The following CNTN4 variants were observed in gnomAD, a reference collection of about 807,000 sequenced individuals.
CNTN4 encodes contactin-4.
In CNTN4, 77 loss-of-function variants were observed where a neutral mutation model predicts 122.5. That is an observed-to-expected ratio of 0.63 (90% CI 0.52 to 0.76). The LOEUF (loss-of-function observed/expected upper bound fraction) is 0.76, where lower values mean the gene tolerates loss of function less well. Ranked by LOEUF, CNTN4 falls within the 30% of genes least tolerant of loss-of-function variation. The probability of loss-of-function intolerance (pLI) is 0.00; values close to 1 mark genes in which losing one functional copy is unlikely to be tolerated. For synonymous variants in CNTN4, 512 were observed against 447.0 expected (o/e 1.15, Z -1.83); for missense variants, 1,256 against 1,259.1 (o/e 1.00, Z 0.04).
intron 4 of CNTN4, among the ~76,000 whole-genome samples, chr3:2,633,991 T>C (rs2150059645): frequency 1.3e-5 from 2 of 152,308 alleles, no homozygotes; most frequent in Middle Eastern, 6.8e-3. Flanking sequence ...ACAAATGATA[T>C]CCTATCCCTT....
intron 3 of CNTN4, among the ~76,000 whole-genome samples, chr3:2,361,800 T>C (rs891836808): frequency 5.9e-5 from 9 of 152,236 alleles, no homozygotes; most frequent in South Asian, 4.1e-4. Flanking sequence ...AGTGAGCTTA[T>C]TGATAGGCCC....
intron 3 of CNTN4, among the ~76,000 whole-genome samples, chr3:2,454,705 C>T (rs541602415): frequency 2.0e-4 from 28 of 137,728 alleles, no homozygotes; most frequent in Non-Finnish European, 2.4e-4. Flanking sequence ...GTTCCAAAGT[C>T]TACGTGCTTG....
chr3:2,909,909 A>G (rs1462174865), intron 12 of CNTN4, among the ~76,000 whole-genome samples: 1 of 152,200 alleles, frequency 6.6e-6, no homozygotes, highest in African/African-American at 2.4e-5. Context: ...ATCCTAAAAT[A>G]GGAAATCTGT....
chr3:2,767,914 A>T (rs2090934540), intron 6 of CNTN4, among the ~76,000 whole-genome samples: 2 of 152,216 alleles, frequency 1.3e-5, no homozygotes, highest in African/African-American at 4.8e-5. Flanking sequence ...TAGAAGGCAG[A>T]ATTTAAAATA....
intron 2 of CNTN4, among the ~76,000 whole-genome samples, chr3:2,144,804 C>T (rs1356596234): frequency 6.6e-6 from 1 of 152,178 alleles, no homozygotes; most frequent in Non-Finnish European, 1.5e-5. Flanking sequence ...CATATCAGCT[C>T]TAAGCTTCTT....
chr3:2,362,919 C>T (rs2045217905), intron 3 of CNTN4, among the ~76,000 whole-genome samples: 1 of 152,188 alleles, frequency 6.6e-6, no homozygotes, highest in South Asian at 2.1e-4. Context: ...ATAAGATTCT[C>T]ACATAAAGCC....
chr3:2,971,031 C>T (rs1482059755), intron 13 of CNTN4, among the ~76,000 whole-genome samples: 1 of 152,228 alleles, frequency 6.6e-6, no homozygotes, highest in Non-Finnish European at 1.5e-5. Flanking sequence ...AGGTGATCTG[C>T]CCATCTCGGC....
chr3:2,935,483 G>A (rs1202434729), intron 13 of CNTN4, among the ~76,000 whole-genome samples: 1 of 152,056 alleles, frequency 6.6e-6, no homozygotes, highest in Non-Finnish European at 1.5e-5. Context: ...GATTTCATTG[G>A]AACCAGCCCT....
In CNTN4 at chr3:2,119,656, G is replaced by A. The variant is rs149875210; in HGVS notation, c.-145+19017G>A. Among the ~76,000 whole-genome samples, 278 of 152,224 alleles carry A rather than the reference G, an allele frequency of 1.8e-3. 3 individuals are homozygous for A. The highest frequency in any genetic ancestry group is 0.01 in the Middle Eastern group (3 of 294). On this transcript the variant is annotated intron_variant, in intron 2 of 24. Coordinates refer to ENST00000418658, the MANE Select transcript of CNTN4 (RefSeq NM_175607.3). ...TTCCAGGTGTGGCTTTTGTCTTCCA[G>A]TCCAAGTAGGATAATTTAGAGAAAT...
intron 3 of CNTN4, among the ~76,000 whole-genome samples, chr3:2,493,943 A>G (rs1456484731): frequency 6.6e-6 from 1 of 152,150 alleles, no homozygotes; most frequent in African/African-American, 2.4e-5. Flanking sequence ...CTATTCTAGA[A>G]TAGTGGCAGA....
At chr3:2,337,285 T>G (rs2043994362) in intron 2 of CNTN4, among the ~76,000 whole-genome samples, 1 of 152,244 alleles carries the variant, frequency 6.6e-6, no homozygotes, top group South Asian at 2.1e-4. Flanking sequence ...AAGGAGTGAA[T>G]TTAATAATGT....
chr3:2,470,698 C>G (rs1003350999), intron 3 of CNTN4, among the ~76,000 whole-genome samples: 1 of 152,148 alleles, frequency 6.6e-6, no homozygotes, highest in South Asian at 2.1e-4. Flanking sequence ...CCCATAAGAA[C>G]GAATGTTACT....
intron 2 of CNTN4, among the ~76,000 whole-genome samples, chr3:2,270,704 A>G (rs1437002058): frequency 2.4e-5 from 3 of 124,482 alleles, no homozygotes; most frequent in Non-Finnish European, 3.9e-5. Context: ...TTGCTTAAGG[A>G]AGACTGAAGG....
chr3:2,717,772 T>A (rs2087588545), intron 4 of CNTN4, among the ~76,000 whole-genome samples: 1 of 117,806 alleles, frequency 8.5e-6, no homozygotes, highest in Admixed American at 9.9e-5. Flanking sequence ...TTGAGCCTTC[T>A]GACTTCATGT....
At chr3:2,490,586 G>A (rs1406221616) in intron 3 of CNTN4, among the ~76,000 whole-genome samples, 3 of 152,132 alleles carry the variant, frequency 2.0e-5, no homozygotes, top group Non-Finnish European at 4.4e-5. Flanking sequence ...TGCTAATGCA[G>A]AACTCTTTTA....
chr3:2,908,509 G>A (rs752187385), intron 12 of CNTN4, among the ~76,000 whole-genome samples: 1 of 152,164 alleles, frequency 6.6e-6, no homozygotes, highest in Non-Finnish European at 1.5e-5. Context: ...ACCAAACAAG[G>A]ATGGGGTCTT....
At chr3:2,902,832 G>A in intron 11 of CNTN4, 44 bp from the exon 12 acceptor site, 1 of 1,596,118 alleles carries the variant, frequency 6.3e-7, no homozygotes, top group Non-Finnish European at 8.6e-7. Context: ...TAAAGTCTCA[G>A]TTGTAGAAGG....
chr3:2,743,884 C>T (rs367557366), intron 5 of CNTN4, among the ~76,000 whole-genome samples: 5 of 152,140 alleles, frequency 3.3e-5, no homozygotes, highest in African/African-American at 7.2e-5. Context: ...GACCTTGGCT[C>T]GCTGCAGCCT....
intron 2 of CNTN4, among the ~76,000 whole-genome samples, chr3:2,269,645 C>T (rs2041189921): frequency 6.6e-6 from 1 of 152,092 alleles, no homozygotes; most frequent in South Asian, 2.1e-4. Flanking sequence ...CAAAGAATTA[C>T]ACCTTTCTTT....
Sources: allele counts gnomAD v4.1 joint callset (sites outside exome capture counted in the v4.1 genomes callset), GRCh38; gene constraint gnomAD v4.1.1; transcripts MANE v1.5; gene names NCBI Gene and HGNC (gene_info 2026-07-23, HGNC 2026-07-21).